The following HPSE2 variants were observed in gnomAD, a reference collection of about 807,000 sequenced individuals.
HPSE2 encodes the protein inactive heparanase-2.
In HPSE2, 38 loss-of-function variants were observed where a neutral mutation model predicts 60.5. That is an observed-to-expected ratio of 0.63 (90% confidence interval 0.48 to 0.82). HPSE2 has a LOEUF of 0.82. Among genes scored for constraint, HPSE2 ranks in the 40% least tolerant of loss-of-function variants. The pLI is 0.00. For missense variants in HPSE2, 713 were observed against 740.4 expected (o/e 0.96, Z 0.43); for synonymous variants, 295 against 293.2 (o/e 1.01, Z -0.06).
chr10:98,805,153 C>T (rs555412567), intron 3 of HPSE2, among the ~76,000 whole-genome samples: 1 of 152,106 alleles, frequency 6.6e-6, no homozygotes, highest in South Asian at 2.1e-4. Flanking sequence ...TAGTGGGAAG[C>T]TGGGTGCAGA....
At chr10:98,827,198 G>GT (rs1951569801) in intron 3 of HPSE2, among the ~76,000 whole-genome samples, 2 of 151,778 alleles carry the variant, frequency 1.3e-5, no homozygotes, top group Non-Finnish European at 2.9e-5. Flanking sequence ...AATTATTGTG[G>GT]TTTTTTGTTT....
intron 2 of HPSE2, among the ~76,000 whole-genome samples, chr10:99,221,258 T>G (rs17111288): frequency 0.028 from 4,318 of 152,228 alleles, 205 homozygotes; most frequent in African/African-American, 0.098. Flanking sequence ...ATGAAGAAGT[T>G]AAGCAACAAC....
chr10:99,252,676 A>G, the HPSE2 span, among the ~76,000 whole-genome samples: 3 of 152,254 alleles, frequency 2.0e-5, no homozygotes, highest in South Asian at 2.1e-4. Flanking sequence ...GGAGATCGAG[A>G]CCATCCTGGC....
chr10:98,699,260 G>A (rs1294934685), intron 5 of HPSE2, among the ~76,000 whole-genome samples: 13 of 151,768 alleles, frequency 8.6e-5, no homozygotes, highest in East Asian at 7.7e-4. Context: ...CTGGCAAACC[G>A]AATCCAGCAG....
intron 9 of HPSE2, among the ~76,000 whole-genome samples, chr10:98,543,478 A>G (rs952544033): frequency 1.3e-5 from 2 of 152,154 alleles, no homozygotes; most frequent in African/African-American, 2.4e-5. Context: ...ACACATAACA[A>G]TATTAACTTT....
intron 11 of HPSE2, among the ~76,000 whole-genome samples, chr10:98,472,944 C>T (rs1185122485): frequency 6.6e-6 from 1 of 151,952 alleles, no homozygotes; most frequent in Non-Finnish European, 1.5e-5. Context: ...ACTAATACCC[C>T]AACAGAAAAA....
At chr10:99,023,414 G>A (rs1056422331) in intron 3 of HPSE2, among the ~76,000 whole-genome samples, 6 of 152,096 alleles carry the variant, frequency 3.9e-5, no homozygotes, top group African/African-American at 1.2e-4. Flanking sequence ...GCTGGGACTG[G>A]GGGACATCAC....
rs61885385 is a variant in HPSE2, at chr10:99,096,081, T to C, written c.610+48157A>G. Among the ~76,000 whole-genome samples the C allele has an allele frequency of 7.2e-3, 1,099 of 152,322 alleles. 6 individuals are homozygous for C. Among genetic ancestry groups the C allele is most frequent in the Non-Finnish European group, 0.01 (710 of 68,008 alleles). On this transcript the variant is annotated intron_variant, in intron 3 of 11. Transcript: ENST00000370552. ...TATAAACTGTCTTTGATATATCTTC[T>C]TCAAATCTTCATAAAGTTCATATAT...
intron 9 of HPSE2, among the ~76,000 whole-genome samples, chr10:98,506,469 A>T (rs1253835308): frequency 7.2e-5 from 11 of 152,008 alleles, no homozygotes; most frequent in Non-Finnish European, 1.2e-4. Flanking sequence ...TTTTGAGACA[A>T]GGTCTTGCTT....
chr10:98,938,239 G>T (rs1954870186), intron 3 of HPSE2, among the ~76,000 whole-genome samples: 1 of 145,044 alleles, frequency 6.9e-6, no homozygotes, highest in Admixed American at 6.8e-5. Flanking sequence ...GCTGGACGGA[G>T]AATGACTTTG....
intron 3 of HPSE2, among the ~76,000 whole-genome samples, chr10:99,006,046 G>T (rs993892851): frequency 9.9e-5 from 15 of 152,172 alleles, no homozygotes; most frequent in Non-Finnish European, 1.9e-4. Context: ...AGGTCACAGA[G>T]GGTAGGCCTA....
chr10:98,752,464 G>T (rs1471376383), intron 3 of HPSE2, among the ~76,000 whole-genome samples: 1 of 152,096 alleles, frequency 6.6e-6, no homozygotes, highest in Non-Finnish European at 1.5e-5. Flanking sequence ...AGCAGTAAAT[G>T]ACATTTATAT....
chr10:99,235,787 C>CA lies in HPSE2; in HGVS notation c.15dup (p.Ala6CysfsTer4). On this transcript the variant is annotated frameshift_variant, in exon 1 of 12. Coordinates refer to ENST00000370552, the MANE Select transcript of HPSE2 (RefSeq NM_021828.5). LOFTEE classifies it high-confidence loss of function. ...CTGGAGGGCATGGCTTCAGGGAAGG[C>CA]ACAAAGCACCCTCATTCAATCCCTC... 6.2e-7 allele frequency: 1 copy of CA among 1,613,516 alleles called. No individual in the cohort carries two copies. Among genetic ancestry groups the CA allele is most frequent in the Non-Finnish European group, 8.5e-7 (1 of 1,179,880 alleles).
chr10:99,111,015 AT>A (rs372706676), intron 3 of HPSE2, among the ~76,000 whole-genome samples: 2 of 151,976 alleles, frequency 1.3e-5, no homozygotes, highest in South Asian at 2.1e-4. Context: ...TTTCAGACTC[AT>A]TTTTTTTGTG....
chr10:99,207,467 A>G (rs1188776837), intron 2 of HPSE2, among the ~76,000 whole-genome samples: 1 of 152,226 alleles, frequency 6.6e-6, no homozygotes, highest in Non-Finnish European at 1.5e-5. Flanking sequence ...AAAATCACTG[A>G]TAAAAGGGAG....
intron 2 of HPSE2, among the ~76,000 whole-genome samples, chr10:99,150,909 C>T (rs1452008096): frequency 2.0e-5 from 3 of 151,994 alleles, no homozygotes; most frequent in Admixed American, 6.6e-5. Flanking sequence ...AACATGAAAA[C>T]ATTAAGGGTC....
At chr10:98,683,658 G>C (rs1257670307) in intron 6 of HPSE2, among the ~76,000 whole-genome samples, 2 of 151,654 alleles carry the variant, frequency 1.3e-5, no homozygotes, top group African/African-American at 4.8e-5. Context: ...AAGTAAAGAA[G>C]AGAAAATATA....
chr10:98,673,309 A>C (rs912053563), intron 6 of HPSE2, among the ~76,000 whole-genome samples: 1 of 152,168 alleles, frequency 6.6e-6, no homozygotes, highest in African/African-American at 2.4e-5. Context: ...AGCTGTTACC[A>C]GTCTGTTTTC....
intron 6 of HPSE2, among the ~76,000 whole-genome samples, chr10:98,643,636 T>C (rs1026344576): frequency 2.0e-5 from 3 of 152,226 alleles, no homozygotes; most frequent in African/African-American, 7.2e-5. Context: ...AACCTGTTCA[T>C]AGTAGTACTT....
Sources: gnomAD v4.1 joint callset for allele counts (sites outside exome capture counted in the v4.1 genomes callset) on GRCh38, gnomAD v4.1.1 for gene constraint, MANE v1.5 for transcripts, NCBI Gene and HGNC (gene_info 2026-07-23, HGNC 2026-07-21) for gene names.